The following ADARB2 variants were observed in gnomAD, a reference collection of about 807,000 sequenced individuals.
ADARB2 encodes the protein inactive double-stranded RNA-specific editase B2.
In ADARB2, 25 loss-of-function variants were observed where a neutral mutation model predicts 62.2. The ratio of observed to expected loss-of-function variants is 0.40; its 90% CI spans 0.29 to 0.56. The LOEUF (loss-of-function observed/expected upper bound fraction) is 0.56, where lower values mean the gene tolerates loss of function less well. Among genes scored for constraint, ADARB2 ranks in the 20% least tolerant of loss-of-function variants. The pLI is 0.43. For missense variants in ADARB2, 1,071 were observed against 1,077.4 expected (o/e 0.99, Z 0.08); for synonymous variants, 572 against 500.8 (o/e 1.14, Z -1.90).
intron 4 of ADARB2, among the ~76,000 whole-genome samples, chr10:1,251,116 T>C (rs1831033991): frequency 6.6e-6 from 1 of 152,204 alleles, no homozygotes; most frequent in South Asian, 2.1e-4. Context: ...ATGTAAGAAA[T>C]GAAGAACTGT....
In ADARB2 at chr10:1,672,735, G is replaced by GCGCCTGCCTCCCTCCACGCATGGAAAGT. The variant is rs1554780133; in HGVS notation, c.100+64315_100+64316insACTTTCCATGCGTGGAGGGAGGCAGGCG. On this transcript the variant is annotated intron_variant, in intron 1 of 9. Transcript: ENST00000381312. Reference sequence around the variant, plus strand: ...GCCTGCCTCCTCCACGCACCGCAAGGCTCCTGCCTCCCTCCCTCCACGCAC... The same window carrying GCGCCTGCCTCCCTCCACGCATGGAAAGT: ...GCCTGCCTCCTCCACGCACCGCAAGGCGCCTGCCTCCCTCCACGCATGGAAAGTCTCCTGCCTCCCTCCCTCCACGCAC... Among the ~76,000 whole-genome samples the GCGCCTGCCTCCCTCCACGCATGGAAAGT allele has an allele frequency of 3.4e-5, 5 of 146,980 alleles. No individual in the cohort carries two copies. In the East Asian group the frequency reaches 1.0e-3, roughly 30 times the overall value.
At chr10:1,185,881 C>T (rs969364284) in intron 8 of ADARB2, among the ~76,000 whole-genome samples, 1 of 152,208 alleles carries the variant, frequency 6.6e-6, no homozygotes, top group East Asian at 1.9e-4. Context: ...GAGGAGGTCT[C>T]CACTCTGGGG....
At chr10:1,324,994 C>G (rs1831830616) in intron 3 of ADARB2, among the ~76,000 whole-genome samples, 1 of 152,216 alleles carries the variant, frequency 6.6e-6, no homozygotes, top group Non-Finnish European at 1.5e-5. Context: ...TGGGCTCTTT[C>G]TGTACTATGT....
chr10:1,534,432 C>G, intron 1 of ADARB2, among the ~76,000 whole-genome samples: 1 of 152,248 alleles, frequency 6.6e-6, no homozygotes. Flanking sequence ...GCCACCGCTC[C>G]CGGCCTCTTG....
At chr10:1,345,821 G>C (rs1027058793) in intron 3 of ADARB2, among the ~76,000 whole-genome samples, 3 of 152,164 alleles carry the variant, frequency 2.0e-5, no homozygotes, top group Non-Finnish European at 4.4e-5. Flanking sequence ...GATGCTGCAG[G>C]CCGACACGTG....
chr10:1,397,322 C>T (rs538548819), intron 1 of ADARB2, among the ~76,000 whole-genome samples: 3 of 9,412 alleles, frequency 3.2e-4, no homozygotes, highest in African/African-American at 8.0e-4. Context: ...TCTCCCCTCC[C>T]GAGTGGAGGC....
chr10:1,734,009 T>C (rs946990335), intron 1 of ADARB2, among the ~76,000 whole-genome samples: 1 of 151,782 alleles, frequency 6.6e-6, no homozygotes, highest in East Asian at 1.9e-4. Flanking sequence ...TCTCATAGTT[T>C]TTTTTTTTTC....
At chr10:1,409,799 G>T (rs1164704541) in intron 1 of ADARB2, among the ~76,000 whole-genome samples, 3 of 128,276 alleles carry the variant, frequency 2.3e-5, no homozygotes, top group African/African-American at 7.9e-5. Flanking sequence ...GCCTGGCCGT[G>T]GTCATAGGGA....
rs571533883 is a variant in ADARB2, at chr10:1,573,586, C to T, written c.100+163465G>A. 3.9e-5 allele frequency among the ~76,000 whole-genome samples: 6 copies of T among 152,314 alleles called. No homozygotes were observed. In the South Asian group the frequency reaches 1.0e-3, roughly 26 times the overall value. ...AAAATGGATCATGCAGTGGCCACGGCGGCCTCCCCCTTCCCCTCCCAGGCC... is the reference window on the plus strand; with the variant it reads ...AAAATGGATCATGCAGTGGCCACGGTGGCCTCCCCCTTCCCCTCCCAGGCC... On this transcript the variant is annotated intron_variant, in intron 1 of 9. Coordinates refer to ENST00000381312, the MANE Select transcript of ADARB2 (RefSeq NM_018702.4).
At chr10:1,367,638 T>C (rs1183714050) in intron 2 of ADARB2, among the ~76,000 whole-genome samples, 1 of 152,110 alleles carries the variant, frequency 6.6e-6, no homozygotes, top group Non-Finnish European at 1.5e-5. Context: ...AACTTAAAGA[T>C]GGAGCAAAAA....
At chr10:1,522,541 G>A (rs552401551) in intron 1 of ADARB2, among the ~76,000 whole-genome samples, 1 of 152,284 alleles carries the variant, frequency 6.6e-6, no homozygotes, top group South Asian at 2.1e-4. Flanking sequence ...TTCTGTCTGT[G>A]ATGAGGACGA....
At chr10:1,407,421 T>C (rs977262491) in intron 1 of ADARB2, among the ~76,000 whole-genome samples, 3 of 152,234 alleles carry the variant, frequency 2.0e-5, no homozygotes. Flanking sequence ...GCTTAACCCC[T>C]GGCGGTGGTC....
In ADARB2 at chr10:1,737,142, C is replaced by G. The variant is rs749929644; in HGVS notation, c.9G>C (p.Ser3=). The stretch of plus-strand genomic sequence containing the variant: ...CAGACCCTCTGCCGCTCCCCAGGAC[C>G]GAGGCCATGGCCGAGACCCAGGCGC... MA[S]VLGSGRGSGG... is the part of the protein sequence containing the mutation. The change falls in exon 1 of 10, where the codon TCG becomes TCC. Residue 3 remains serine (S), a synonymous_variant. Coordinates refer to ENST00000381312, the MANE Select transcript of ADARB2 (RefSeq NM_018702.4). The G allele has an allele frequency of 1.6e-5, 26 of 1,608,116 alleles. No homozygotes were observed. The South Asian group carries it at 2.3e-4, about 14-fold the overall frequency.
intron 1 of ADARB2, chr10:1,526,633 G>A (rs886750171): frequency 8.2e-6 from 2 of 243,260 alleles, no homozygotes; most frequent in South Asian, 6.9e-5. Flanking sequence ...AAGCTTCCTG[G>A]GGCCTCACCA....
At chr10:1,308,052 C>CACATGTACCCTAAAACTTAAA (rs1831647755) in intron 3 of ADARB2, among the ~76,000 whole-genome samples, 1 of 147,652 alleles carries the variant, frequency 6.8e-6, no homozygotes, top group Admixed American at 6.9e-5. Context: ...GCACAATGTG[C>CACATGTACCCTAAAACTTAAA]ACATGTACCC....
chr10:1,361,746 G>A (rs1169135331), intron 3 of ADARB2: 1 of 152,194 alleles, frequency 6.6e-6, no homozygotes, highest in African/African-American at 2.4e-5. Flanking sequence ...CTACATTCGT[G>A]AAGAGATTTA....
chr10:1,356,652 T>C (rs1055873946), intron 3 of ADARB2, among the ~76,000 whole-genome samples: 1 of 152,192 alleles, frequency 6.6e-6, no homozygotes, highest in African/African-American at 2.4e-5. Context: ...AAAAGCTGCA[T>C]GTAGGAGTGA....
chr10:1,570,144 G>A (rs576566348), intron 1 of ADARB2, among the ~76,000 whole-genome samples: 46 of 152,248 alleles, frequency 3.0e-4, no homozygotes, highest in Non-Finnish European at 2.4e-4. Context: ...TTTAGAAGAT[G>A]TTAAATGCAT....
chr10:1,295,258 C>T (rs1025152121), intron 3 of ADARB2, among the ~76,000 whole-genome samples: 12 of 152,110 alleles, frequency 7.9e-5, no homozygotes. Flanking sequence ...GGGAGAGAAA[C>T]ATCAGAGGAG....
Sources: gnomAD v4.1 joint callset for allele counts (sites outside exome capture counted in the v4.1 genomes callset) on GRCh38, gnomAD v4.1.1 for gene constraint, MANE v1.5 for transcripts, NCBI Gene and HGNC (gene_info 2026-07-23, HGNC 2026-07-21) for gene names.